PCSK2: variants seen among roughly 807,000 people sequenced by gnomAD.
The protein encoded by PCSK2 is proprotein convertase subtilisin/kexin type 2, also known as neuroendocrine convertase 2.
In PCSK2, 14 loss-of-function variants were observed where a neutral mutation model predicts 69.7. The ratio of observed to expected loss-of-function variants is 0.20; its 90% CI spans 0.13 to 0.31. PCSK2 has a LOEUF of 0.31. PCSK2 is among the 10% of genes least tolerant of loss of function. The probability of loss-of-function intolerance (pLI) is 1.00; values close to 1 mark genes in which losing one functional copy is unlikely to be tolerated. For missense variants in PCSK2, 544 were observed against 842.5 expected, an observed-to-expected ratio of 0.65 and a Z score of 4.39; for synonymous variants, 307 against 320.7, an observed-to-expected ratio of 0.96 and a Z score of 0.46.
chr20:17,397,331 G>A (rs985153603), intron 5 of PCSK2, among the ~76,000 whole-genome samples: 3 of 152,158 alleles, frequency 2.0e-5, no homozygotes, highest in African/African-American at 7.2e-5. Context: ...TGAAATAAAC[G>A]TTAAGCAGCA....
Position 17,465,533 on chromosome 20 carries a change from A to G in PCSK2, c.1410A>G (p.Gly470=). The part of the protein sequence containing the change: ...KTVPERFHCV[G]GSVQDPEKIP... ...TGCCTGAGAGATTCCACTGTGTGGG[A>G]GGCTCCGTGCAGGACCCTGAGTAAG... Residue 470 remains glycine, a synonymous_variant, in exon 11 of 12, where the codon GGA becomes GGG. Coordinates refer to ENST00000262545, the MANE Select transcript of PCSK2 (RefSeq NM_002594.5). 3.7e-6 allele frequency: 6 copies of G among 1,602,880 alleles called. No individual in the cohort carries two copies. Among genetic ancestry groups the G allele is most frequent in the Non-Finnish European group, 5.1e-6 (6 of 1,173,902 alleles).
intron 2 of PCSK2, among the ~76,000 whole-genome samples, chr20:17,304,119 T>C (rs764417535): frequency 1.1e-4 from 17 of 151,994 alleles, no homozygotes; most frequent in Admixed American, 6.6e-5. Context: ...AAAATGGAGA[T>C]AATAAGCATA....
At chr20:17,347,938 AAGAAAGAAAGAAAGAAAGAAAG>A (rs1227612055) in intron 2 of PCSK2, among the ~76,000 whole-genome samples, 4 of 20,942 alleles carry the variant, frequency 1.9e-4, no homozygotes, top group Admixed American at 8.1e-4. Flanking sequence ...AAAAAAGAGA[AAGAAAGAAAGAAAGAAAGAAAG>A]AGAAAGAAAG....
At chr20:17,253,180 A>G (rs1361830630) in intron 1 of PCSK2, among the ~76,000 whole-genome samples, 10 of 152,224 alleles carry the variant, frequency 6.6e-5, no homozygotes, top group Admixed American at 6.5e-4. Flanking sequence ...GCTGTTCATC[A>G]TAGCATTTTT....
intron 2 of PCSK2, among the ~76,000 whole-genome samples, chr20:17,345,525 C>T (rs1038797979): frequency 6.6e-6 from 1 of 152,112 alleles, no homozygotes; most frequent in Non-Finnish European, 1.5e-5. Flanking sequence ...GTGAAAGCAG[C>T]CATAGGCAGT....
chr20:17,449,759 T>C (rs2032782843), intron 8 of PCSK2, among the ~76,000 whole-genome samples: 1 of 151,706 alleles, frequency 6.6e-6, no homozygotes, highest in African/African-American at 2.4e-5. Flanking sequence ...ACTCCCGACC[T>C]CAGGGGATCC....
At chr20:17,257,580 GC>G (rs1343951231) in intron 1 of PCSK2, among the ~76,000 whole-genome samples, 1 of 152,148 alleles carries the variant, frequency 6.6e-6, no homozygotes, top group Non-Finnish European at 1.5e-5. Flanking sequence ...TTAATAGTTA[GC>G]CAATGACAGG....
intron 2 of PCSK2, among the ~76,000 whole-genome samples, chr20:17,274,447 T>C (rs1987981696): frequency 6.6e-6 from 1 of 152,190 alleles, no homozygotes; most frequent in South Asian, 2.1e-4. Flanking sequence ...GGAGTGATAC[T>C]GGGCCAATTC....
At chr20:17,446,054 C>T (rs2032693756) in intron 8 of PCSK2, among the ~76,000 whole-genome samples, 1 of 152,168 alleles carries the variant, frequency 6.6e-6, no homozygotes, top group Admixed American at 6.5e-5. Context: ...CTATTAGTAG[C>T]GTTGGCCCAC....
chr20:17,372,136 T>C (rs35749297), intron 5 of PCSK2, among the ~76,000 whole-genome samples: 22,019 of 152,120 alleles, frequency 0.14, 1,860 homozygotes, highest in Middle Eastern at 0.29. Context: ...TAGTAAATTA[T>C]TGGGAGGCCA....
At chr20:17,470,612 A>G (rs1465812780) in intron 11 of PCSK2, among the ~76,000 whole-genome samples, 3 of 152,196 alleles carry the variant, frequency 2.0e-5, no homozygotes, top group Non-Finnish European at 4.4e-5. Flanking sequence ...GCTGCTAAGA[A>G]CTTCTCTCGG....
At chr20:17,295,020 A>G (rs1988839526) in intron 2 of PCSK2, among the ~76,000 whole-genome samples, 1 of 152,194 alleles carries the variant, frequency 6.6e-6, no homozygotes, top group South Asian at 2.1e-4. Flanking sequence ...TTTTATTGCT[A>G]AATTAAATCT....
In PCSK2 at chr20:17,407,085, C is replaced by T. The variant is rs185767479; in HGVS notation, c.544-2178C>T. 3.4e-3 allele frequency among the ~76,000 whole-genome samples: 511 copies of T among 152,296 alleles called. 1 individual carries two copies. Among genetic ancestry groups the T allele is most frequent in the Non-Finnish European group, 5.9e-3 (398 of 68,024 alleles). The stretch of plus-strand genomic sequence containing the variant: ...TCAGCGTCACATCCTCACCAACCTC[C>T]GCTCCCTGCTCTCCACTGGGGATCA... On this transcript the variant is annotated intron_variant, in intron 5 of 11. Transcript: ENST00000262545.
chr20:17,230,943 G>C (rs1269022330), intron 1 of PCSK2, among the ~76,000 whole-genome samples: 1 of 152,176 alleles, frequency 6.6e-6, no homozygotes, highest in East Asian at 1.9e-4. Context: ...TATCAGAAAA[G>C]ATACTTAAGT....
chr20:17,449,526 G>GTATATATATATATA, intron 8 of PCSK2, among the ~76,000 whole-genome samples: 57 of 130,700 alleles, frequency 4.4e-4, no homozygotes, highest in Admixed American at 1.2e-3. Context: ...ATGTATGTAT[G>GTATATATATATATA]TATATATATA....
At chr20:17,345,970 T>A (rs1990640429) in intron 2 of PCSK2, among the ~76,000 whole-genome samples, 1 of 152,162 alleles carries the variant, frequency 6.6e-6, no homozygotes, top group African/African-American at 2.4e-5. Context: ...GCTCTTTCCA[T>A]TGAAGCTTGC....
At chr20:17,389,656 T>G (rs1051584143) in intron 5 of PCSK2, among the ~76,000 whole-genome samples, 1 of 152,174 alleles carries the variant, frequency 6.6e-6, no homozygotes. Context: ...ATCTCTCTAA[T>G]CTGGGGAGCT....
intron 11 of PCSK2, among the ~76,000 whole-genome samples, chr20:17,479,780 G>C (rs2033360837): frequency 1.7e-5 from 2 of 118,894 alleles, no homozygotes; most frequent in Admixed American, 2.4e-4. Flanking sequence ...CTGGGCGACA[G>C]AGCAAGACTC....
At chr20:17,456,138 G>A (rs1042626125) in intron 9 of PCSK2, among the ~76,000 whole-genome samples, 2 of 152,152 alleles carry the variant, frequency 1.3e-5, no homozygotes, top group African/African-American at 4.8e-5. Context: ...TAATTCAGGA[G>A]GCTGAGGCAG....
Sources: gnomAD v4.1 joint callset for allele counts (sites outside exome capture counted in the v4.1 genomes callset) on GRCh38, gnomAD v4.1.1 for gene constraint, MANE v1.5 for transcripts, NCBI Gene and HGNC (gene_info 2026-07-23, HGNC 2026-07-21) for gene names.